TMEM182: variants seen among roughly 807,000 people sequenced by gnomAD.
TMEM182 encodes transmembrane protein 182.
Under a neutral mutation model 26.8 loss-of-function variants are expected in TMEM182, and 20 were observed. The ratio of observed to expected loss-of-function variants is 0.75; its 90% CI spans 0.53 to 1.09. The LOEUF (loss-of-function observed/expected upper bound fraction) is 1.09. Ranked by LOEUF, TMEM182 falls within the 50% of genes least tolerant of loss-of-function variation. The probability of loss-of-function intolerance (pLI) is 0.00; values close to 1 mark genes in which losing one functional copy is unlikely to be tolerated. For synonymous variants in TMEM182, 109 were observed against 102.2 expected (o/e 1.07, Z -0.40); for missense variants, 277 against 275.5 (o/e 1.01, Z -0.04).
chr2:102,805,608 C>CAA (rs1354381976), intron 4 of TMEM182, among the ~76,000 whole-genome samples: 16 of 142,582 alleles, frequency 1.1e-4, no homozygotes, highest in African/African-American at 4.1e-4. Context: ...ATCGTTCCCT[C>CAA]AAAAAAAAAA....
rs543406210 is a variant in TMEM182, at chr2:102,841,869, A to G, written c.326-1543A>G. On this transcript the variant is annotated intron_variant, in intron 3 of 3. Transcript: ENST00000486293. ...TTCAGATTCTTGCTTCCATCTCGCT[A>G]TGTGTATGTTACTTTGGACAATTTA... 5.3e-5 allele frequency among the ~76,000 whole-genome samples: 8 copies of G among 152,304 alleles called. No homozygotes were observed. The South Asian group carries it at 1.7e-3, about 32-fold the overall frequency.
rs2104655106 is a variant in TMEM182, at chr2:102,762,110, A to C, written c.-108A>C. On this transcript the variant is annotated 5_prime_UTR_variant, in exon 1 of 5. Transcript: ENST00000412401. ...CTTCTCAAGAAGATTCTGCCAACTC[A>C]AAAATATTATTCTTTTTTTTTTTTT... is the stretch of plus-strand genomic sequence containing the variant. The C allele has an allele frequency of 9.6e-7, 1 of 1,041,304 alleles. No individual in the cohort carries two copies. Among genetic ancestry groups the C allele is most frequent in the East Asian group, 2.7e-5 (1 of 36,790 alleles). 64.5% of individuals were successfully genotyped at this position (1,041,304 alleles called of 1,614,324 possible).
At chr2:102,842,918 C>G (rs1683382053) in intron 3 of TMEM182, among the ~76,000 whole-genome samples, 1 of 152,148 alleles carries the variant, frequency 6.6e-6, no homozygotes, top group African/African-American at 2.4e-5. Flanking sequence ...TCCAGGGATG[C>G]TGATGACATA....
At chr2:102,842,581 G>A (rs923304363) in intron 3 of TMEM182, among the ~76,000 whole-genome samples, 4 of 152,074 alleles carry the variant, frequency 2.6e-5, no homozygotes, top group Non-Finnish European at 5.9e-5. Flanking sequence ...CTTGAATTTC[G>A]TTGGGAATCC....
chr2:102,743,290 T>G (rs529779244), intron 1 of TMEM182, among the ~76,000 whole-genome samples: 47 of 152,018 alleles, frequency 3.1e-4, no homozygotes, highest in African/African-American at 1.1e-3. Context: ...TAAATATAAT[T>G]TATATGGAAA....
chr2:102,805,982 C>G (rs1682330250), intron 4 of TMEM182, among the ~76,000 whole-genome samples: 1 of 152,156 alleles, frequency 6.6e-6, no homozygotes, highest in Non-Finnish European at 1.5e-5. Context: ...ACTGAATTTC[C>G]ATAAGCTTTA....
rs371823899 is a variant in TMEM182 at position 102,810,926 on chromosome 2, T to A, written c.470-3822T>A. Among the ~76,000 whole-genome samples, 3 of 152,196 alleles carry A rather than the reference T, an allele frequency of 2.0e-5. No homozygotes were observed. The South Asian group carries it at 6.2e-4, about 32-fold the overall frequency. ...TTCAAGCCAGTTATTGTTTATGTTT[T>A]TAAAAGTCCTGAGATATCAAAATAT... On this transcript the variant is annotated intron_variant, in intron 4 of 4. Transcript: ENST00000412401.
chr2:102,811,173 T>C (rs1159167352), intron 4 of TMEM182, among the ~76,000 whole-genome samples: 3 of 152,148 alleles, frequency 2.0e-5, no homozygotes, highest in African/African-American at 7.2e-5. Flanking sequence ...TTGACACTTT[T>C]GAAAAAAGTA....
At chr2:102,741,929 T>A (rs1051162548) in intron 1 of TMEM182, among the ~76,000 whole-genome samples, 1 of 152,160 alleles carries the variant, frequency 6.6e-6, no homozygotes, top group African/African-American at 2.4e-5. Context: ...ACAAAAAGCC[T>A]GGTTACCTGA....
In TMEM182 at chr2:102,752,978, C is replaced by T. The variant is rs74886453; in HGVS notation, c.-82-5411C>T. 7.9e-3 allele frequency among the ~76,000 whole-genome samples: 1,197 copies of T among 152,226 alleles called. 21 individuals carry two copies. The highest frequency in any genetic ancestry group is 0.027 in the African/African-American group (1,116 of 41,516). On this transcript the variant is annotated intron_variant, in intron 1 of 5. Transcript: ENST00000409173. ...TAGAAAGAATTATTTTAACTCTAAA[C>T]GAATGAGGAAATTAAATTGAAATTA...
At chr2:102,787,490 C>A (rs1573534604) in intron 3 of TMEM182, among the ~76,000 whole-genome samples, 1 of 152,236 alleles carries the variant, frequency 6.6e-6, no homozygotes, top group African/African-American at 2.4e-5. Context: ...CAGATTCTCT[C>A]ACACTTTGGG....
In TMEM182 at chr2:102,816,750, GTTTTCCAGACGA is replaced by G; in HGVS notation, c.*1784_*1795del. ...ATATTAAGTTATGGCATGCCATTAA[GTTTTCCAGACGA>G]TGTTGGATGTATCTGATTAGTTCAT... On this transcript the variant is annotated 3_prime_UTR_variant, in exon 5 of 5. Transcript: ENST00000412401. 1.0e-6 allele frequency: 1 copy of G among 985,706 alleles called. No individual in the cohort carries two copies. Among genetic ancestry groups the G allele is most frequent in the Non-Finnish European group, 1.2e-6 (1 of 829,882 alleles). 61.1% of individuals were successfully genotyped at this position (985,706 alleles called of 1,614,324 possible). A position where few individuals can be genotyped will look rare whatever the true frequency, so the allele number is the denominator to read the frequency against.
exon 1 of TMEM182, chr2:102,736,961 G>C (rs1198277355): frequency 4.4e-6 from 4 of 918,628 alleles, no homozygotes; most frequent in South Asian, 1.8e-5. Flanking sequence ...GGCCGGTGCT[G>C]GCTGGGAGTT....
chr2:102,789,744 GA>G (rs1423222174), intron 3 of TMEM182, among the ~76,000 whole-genome samples: 2 of 152,148 alleles, frequency 1.3e-5, no homozygotes, highest in Non-Finnish European at 2.9e-5. Context: ...TAATGGTCTT[GA>G]GTACCCCCTG....
chr2:102,817,934 G>A (rs1682810239), downstream of TMEM182, among the ~76,000 whole-genome samples: 1 of 152,176 alleles, frequency 6.6e-6, no homozygotes, highest in Admixed American at 6.5e-5. Context: ...ATGGATGGTG[G>A]TTTATTCAGT....
At chr2:102,818,530 G>C (rs537424311), downstream of TMEM182, among the ~76,000 whole-genome samples, 3 of 152,168 alleles carry the variant, frequency 2.0e-5, no homozygotes, top group Non-Finnish European at 2.9e-5. Flanking sequence ...ACCTGGACTA[G>C]CCTGTGAGAG....
intron 1 of TMEM182, among the ~76,000 whole-genome samples, chr2:102,755,368 T>G (rs1680000078): frequency 6.6e-6 from 1 of 152,112 alleles, no homozygotes; most frequent in South Asian, 2.1e-4. Flanking sequence ...TGCAAAAATG[T>G]GAGGAGCACA....
downstream of TMEM182, among the ~76,000 whole-genome samples, chr2:102,822,455 A>G (rs1354706400): frequency 6.6e-6 from 1 of 152,188 alleles, no homozygotes; most frequent in East Asian, 1.9e-4. Context: ...TAGGACAAGG[A>G]AAAAAGGTGA....
At chr2:102,742,832 G>T (rs941246379) in intron 1 of TMEM182, among the ~76,000 whole-genome samples, 2 of 151,934 alleles carry the variant, frequency 1.3e-5, no homozygotes, top group African/African-American at 4.8e-5. Context: ...TATCCTGCAA[G>T]AAAGAGTGAA....
Sources: gnomAD v4.1 joint callset for allele counts (sites outside exome capture counted in the v4.1 genomes callset) on GRCh38, gnomAD v4.1.1 for gene constraint, MANE v1.5 for transcripts, NCBI Gene and HGNC (gene_info 2026-07-23, HGNC 2026-07-21) for gene names.